PLCG1: variants seen among roughly 807,000 people sequenced by gnomAD.
The protein encoded by PLCG1 is 1-phosphatidylinositol 4,5-bisphosphate phosphodiesterase gamma-1.
Under a neutral mutation model 177.8 loss-of-function variants are expected in PLCG1, and 71 were observed. The ratio of observed to expected loss-of-function variants is 0.40; its 90% CI spans 0.33 to 0.49. The LOEUF is 0.49. PLCG1 is among the 20% of genes least tolerant of loss of function. The pLI is 0.72. For missense variants in PLCG1, 1,281 were observed against 1,709.0 expected, an observed-to-expected ratio of 0.75 and a Z score of 4.42; for synonymous variants, 658 against 647.9, an observed-to-expected ratio of 1.02 and a Z score of -0.24.
At position 41,167,817 on chromosome 20, in the gene PLCG1, G is replaced by C. The variant is rs1286659039; in HGVS notation, c.2302-35G>C. Reference sequence around the variant, plus strand: ...AGCTGCTTTCTACCTCTGGGCTCTGGGGCATTAACATATCCCATTGTGTCC... The same window carrying C: ...AGCTGCTTTCTACCTCTGGGCTCTGCGGCATTAACATATCCCATTGTGTCC... On this transcript the variant is annotated intron_variant, in intron 19 of 31. Transcript: ENST00000685551. This position sits in a 1 kb window ranked among gnomAD's most constrained non-coding sequence, Gnocchi z 4.4. 1 of 1,473,922 alleles carries C rather than the reference G, an allele frequency of 6.8e-7. No individual in the cohort carries two copies. The highest frequency in any genetic ancestry group is 9.5e-7 in the Non-Finnish European group (1 of 1,052,648). 91.3% of individuals were successfully genotyped at this position (1,473,922 alleles called of 1,614,324 possible).
chr20:41,140,681 G>A lies in PLCG1; in HGVS notation c.217+2823G>A, dbSNP rs188633042. Among the ~76,000 whole-genome samples, 356 of 152,350 alleles carry A rather than the reference G, an allele frequency of 2.3e-3. 1 individual carries two copies. Among genetic ancestry groups the A allele is most frequent in the Admixed American group, 4.3e-3 (66 of 15,306 alleles). On this transcript the variant is annotated intron_variant, in intron 1 of 31. Coordinates refer to ENST00000685551, the MANE Select transcript of PLCG1 (RefSeq NM_002660.3). ...TCATTTGGCTCAAAAGCGGGGTGGGGAAGTGCTTAGGTGTTGACAAGTTTG... is the reference window on the plus strand; with the variant it reads ...TCATTTGGCTCAAAAGCGGGGTGGGAAAGTGCTTAGGTGTTGACAAGTTTG...
In PLCG1 at chr20:41,172,255, C is replaced by A; in HGVS notation, c.2871C>A (p.Val957=). The A allele has an allele frequency of 6.2e-7, 1 of 1,614,034 alleles. No homozygotes were observed. Among genetic ancestry groups the A allele is most frequent in the Non-Finnish European group, 8.5e-7 (1 of 1,179,892 alleles). The change falls in exon 25 of 32, where the codon GTC becomes GTA. Residue 957 remains valine (V), a synonymous_variant. Coordinates refer to ENST00000685551, the MANE Select transcript of PLCG1 (RefSeq NM_002660.3). This position sits in a 1 kb window ranked among gnomAD's most constrained non-coding sequence, Gnocchi z 7.0. Reference sequence around the variant, plus strand: ...TTGCCCTGGAGCTCTCTGAACTTGTCGTCTACTGCCGGCCTGTTCCCTTTG... The same window carrying A: ...TTGCCCTGGAGCTCTCTGAACTTGTAGTCTACTGCCGGCCTGTTCCCTTTG... The part of the protein sequence containing the change: ...KKIALELSEL[V]VYCRPVPFDE...
rs2035595262 is a variant in PLCG1, at chr20:41,163,844, C to T, written c.1010+11C>T. On this transcript the variant is annotated intron_variant, in intron 10 of 31. Transcript: ENST00000685551. This position sits in a 1 kb window ranked among gnomAD's most constrained non-coding sequence, Gnocchi z 5.2. ...CTCCTCGCACAACACGTGAGTGTGGCTCCTTCAGGCCCACCCAGCTTCTTC... is the reference window on the plus strand; with the variant it reads ...CTCCTCGCACAACACGTGAGTGTGGTTCCTTCAGGCCCACCCAGCTTCTTC... The T allele has an allele frequency of 1.2e-6, 2 of 1,608,850 alleles. No individual in the cohort carries two copies. The highest frequency in any genetic ancestry group is 4.5e-5 in the East Asian group (2 of 44,876).
rs575744688 is a variant in PLCG1 at position 41,157,621 on chromosome 20, C to G, written c.218-1985C>G. ...GCATGTATGTACGTGTTTGTATGCA[C>G]GAGGCATCAAGTGTATTAGTACCAC... On this transcript the variant is annotated intron_variant, in intron 1 of 31. Transcript: ENST00000685551. This position sits in a 1 kb window ranked among gnomAD's most constrained non-coding sequence, Gnocchi z 5.4. 3.9e-5 allele frequency among the ~76,000 whole-genome samples: 6 copies of G among 152,114 alleles called. No individual in the cohort carries two copies. The highest frequency in any genetic ancestry group is 7.3e-5 in the Non-Finnish European group (5 of 68,042).
chr20:41,140,993 T>G (rs75810301), intron 1 of PLCG1, among the ~76,000 whole-genome samples: 2 of 152,182 alleles, frequency 1.3e-5, no homozygotes, highest in East Asian at 3.9e-4. Flanking sequence ...GTGAGACACC[T>G]TTGTGCTCAG....
chr20:41,141,525 C>T (rs1159701046), intron 1 of PLCG1, among the ~76,000 whole-genome samples: 1 of 152,204 alleles, frequency 6.6e-6, no homozygotes, highest in Non-Finnish European at 1.5e-5. Context: ...GAGGGCTAGG[C>T]CCACAGCACG....
rs2069359296 is a variant in PLCG1 at position 41,147,943 on chromosome 20, C to T, written c.217+10085C>T. On this transcript the variant is annotated intron_variant, in intron 1 of 31. Coordinates refer to ENST00000685551, the MANE Select transcript of PLCG1 (RefSeq NM_002660.3). This position sits in a 1 kb window ranked among gnomAD's most constrained non-coding sequence, Gnocchi z 4.0. ...TGGAGTGAGATCAGAGTCTAGATCA[C>T]TCACTGGGGCCCTGTTTCCCAGGAA... Among the ~76,000 whole-genome samples, 2 of 152,090 alleles carry T rather than the reference C, an allele frequency of 1.3e-5. No homozygotes were observed. Among genetic ancestry groups the T allele is most frequent in the Admixed American group, 1.3e-4 (2 of 15,272 alleles).
In PLCG1 at chr20:41,172,189, C is replaced by A; in HGVS notation, c.2809-4C>A. The A allele has an allele frequency of 6.2e-7, 1 of 1,611,034 alleles. No homozygotes were observed. ...GGGCTACAGGGCCTTGTGTGTGTCACCAGCTCACTGAAGGGAAGATAATGG... is the reference window on the plus strand; with the variant it reads ...GGGCTACAGGGCCTTGTGTGTGTCAACAGCTCACTGAAGGGAAGATAATGG... On this transcript the variant is annotated splice_polypyrimidine_tract_variant and splice_region_variant and intron_variant, in intron 24 of 31. Coordinates refer to ENST00000685551, the MANE Select transcript of PLCG1 (RefSeq NM_002660.3). This position sits in a 1 kb window ranked among gnomAD's most constrained non-coding sequence, Gnocchi z 7.0.
chr20:41,138,415 G>A (rs1446764073), intron 1 of PLCG1, among the ~76,000 whole-genome samples: 6 of 152,168 alleles, frequency 3.9e-5, no homozygotes, highest in African/African-American at 1.4e-4. Flanking sequence ...TCTCCCTCTG[G>A]GGGAGAGGGA....
rs754835758 is a variant in PLCG1 at position 41,156,157 on chromosome 20, A to G, written c.218-3449A>G. Among the ~76,000 whole-genome samples, 33 of 152,210 alleles carry G rather than the reference A, an allele frequency of 2.2e-4. No homozygotes were observed. The highest frequency in any genetic ancestry group is 2.6e-4 in the Non-Finnish European group (18 of 68,032). On this transcript the variant is annotated intron_variant, in intron 1 of 31. Transcript: ENST00000685551. This position sits in a 1 kb window ranked among gnomAD's most constrained non-coding sequence, Gnocchi z 5.0. ...CCTCATTACTTCAGAGCCCCTTAAGAAAGACTGAATCTATTTCTTCATCAG... is the reference window on the plus strand; with the variant it reads ...CCTCATTACTTCAGAGCCCCTTAAGGAAGACTGAATCTATTTCTTCATCAG...
Position 41,176,990 on chromosome 20 carries a change from A to T in PLCG1, c.*2481A>T, listed in dbSNP as rs2036082567. 1 of 152,170 alleles carries T rather than the reference A, an allele frequency of 6.6e-6. No individual in the cohort carries two copies. Among genetic ancestry groups the T allele is most frequent in the Non-Finnish European group, 1.5e-5 (1 of 68,028 alleles). The allele number at this position is 152,170 out of a possible 1,614,324, so 9.4% of individuals were successfully genotyped here. ...TGGGGAGCTTCTGAAAAATACTGGT[A>T]CCCGGGGCCTTAGCATAGGTATTGT... On this transcript the variant is annotated 3_prime_UTR_variant, in exon 32 of 32. Transcript: ENST00000685551.
intron 20 of PLCG1, among the ~76,000 whole-genome samples, 193 bp from the exon 21 acceptor site, chr20:41,168,574 A>G (rs542740396): frequency 6.6e-5 from 10 of 152,330 alleles, no homozygotes; most frequent in African/African-American, 2.2e-4. Context: ...CTCTCTGATC[A>G]TATCTGTCCT....
At chr20:41,143,719 C>G (rs2034904584) in intron 1 of PLCG1, among the ~76,000 whole-genome samples, 1 of 152,222 alleles carries the variant, frequency 6.6e-6, no homozygotes, top group African/African-American at 2.4e-5. Context: ...GTTCAGGTCT[C>G]AGCTCTTACT....
At chr20:41,138,108 T>A in intron 1 of PLCG1, 1 of 339,982 alleles carries the variant, frequency 2.9e-6, no homozygotes, top group Non-Finnish European at 5.3e-6. Flanking sequence ...CGCTTTGCCC[T>A]GAGGCCTAAA....
chr20:41,154,563 T>G (rs2035261222), intron 1 of PLCG1, among the ~76,000 whole-genome samples: 1 of 151,878 alleles, frequency 6.6e-6, no homozygotes, highest in Non-Finnish European at 1.5e-5. Context: ...TTATCCCACT[T>G]TACTGGACAG....
At chr20:41,168,665 A>G (rs2035785226) in intron 20 of PLCG1, 102 bp from the exon 21 acceptor site, 2 of 709,284 alleles carry the variant, frequency 2.8e-6, no homozygotes, top group Non-Finnish European at 5.1e-6. Context: ...GCCTGACCCC[A>G]GGCAGGGAAG....
intron 1 of PLCG1, among the ~76,000 whole-genome samples, chr20:41,145,439 A>G (rs2034967486): frequency 6.6e-6 from 1 of 151,974 alleles, no homozygotes; most frequent in Non-Finnish European, 1.5e-5. Context: ...AAATAGGTAT[A>G]TTTGTGTGGC....
intron 1 of PLCG1, among the ~76,000 whole-genome samples, chr20:41,145,251 C>G (rs1053042017): frequency 6.6e-5 from 10 of 152,160 alleles, no homozygotes; most frequent in African/African-American, 2.2e-4. Context: ...GGTGAGGCCT[C>G]TAGTACAGAA....
chr20:41,150,434 C>T lies in PLCG1; in HGVS notation c.218-9172C>T, dbSNP rs2035130374. 2.0e-5 allele frequency among the ~76,000 whole-genome samples: 3 copies of T among 152,184 alleles called. No individual in the cohort carries two copies. In the South Asian group the frequency reaches 6.2e-4, roughly 32 times the overall value. ...TCCTGGGCATCCCTGAGACATGGCCCTGGTGGGTCCCCAGTCTCTCTCCTG... is the reference window on the plus strand; with the variant it reads ...TCCTGGGCATCCCTGAGACATGGCCTTGGTGGGTCCCCAGTCTCTCTCCTG... On this transcript the variant is annotated intron_variant, in intron 1 of 31. Transcript: ENST00000685551. This position sits in a 1 kb window ranked among gnomAD's most constrained non-coding sequence, Gnocchi z 4.0.
Sources: allele counts gnomAD v4.1 joint callset (sites outside exome capture counted in the v4.1 genomes callset), GRCh38; gene constraint gnomAD v4.1.1; non-coding constraint Gnocchi (gnomAD v3.1); transcripts MANE v1.5; gene names NCBI Gene and HGNC (gene_info 2026-07-23, HGNC 2026-07-21).